Variants in MIEF2 observed in about 807,000 individuals in gnomAD.
The protein encoded by MIEF2 is mitochondrial elongation factor 2.
In MIEF2, 1 loss-of-function variant was observed where a neutral mutation model predicts 7.4. The observed-to-expected ratio is 0.14, with a 90% confidence interval of 0.05 to 0.64. The LOEUF (loss-of-function observed/expected upper bound fraction) is 0.64. Among genes scored for constraint, MIEF2 ranks in the 30% least tolerant of loss-of-function variants. The pLI is 0.85. For synonymous variants in MIEF2, 275 were observed against 290.5 expected (o/e 0.95, Z 0.54); for missense variants, 569 against 623.9 (o/e 0.91, Z 0.94).
intron 1 of MIEF2, among the ~76,000 whole-genome samples, chr17:18,261,717 C>T (rs755424813): frequency 6.6e-6 from 1 of 152,232 alleles, no homozygotes; most frequent in Non-Finnish European, 1.5e-5. Context: ...GCTGCCTATG[C>T]CATCTTACAG....
chr17:18,264,335 T>A lies in MIEF2; in HGVS notation c.936T>A (p.Ala312=). 1 of 1,606,444 alleles carries A rather than the reference T, an allele frequency of 6.2e-7. No individual in the cohort carries two copies. The highest frequency in any genetic ancestry group is 8.5e-7 in the Non-Finnish European group (1 of 1,179,868). Residue 312 remains alanine (A), a synonymous_variant, in exon 4 of 4, where the codon GCT becomes GCA. Transcript: ENST00000323019. ...AVLVAVPGVD[A]DDRLLLAWPL... ...TTGTGGCAGTCCCTGGGGTCGATGC[T>A]GACGACCGCCTCCTCTTGGCCTGGC...
rs759605814 is a variant in MIEF2, at chr17:18,264,224, C to A, written c.825C>A (p.Leu275=). The change falls in exon 4 of 4, where the codon CTC becomes CTA. Residue 275 remains leucine (L), a synonymous_variant. Coordinates refer to ENST00000323019, the MANE Select transcript of MIEF2 (RefSeq NM_139162.4). ...SVNWPAIGSL[L]GCLIRPSMAS... is the part of the protein sequence containing the mutation. ...ACTGGCCGGCCATTGGCAGCCTTCT[C>A]GGGTGCCTGATCCGGCCCAGCATGG... 2.5e-6 allele frequency: 4 copies of A among 1,602,736 alleles called. No individual in the cohort carries two copies. In the Admixed American group the frequency reaches 6.7e-5, roughly 27 times the overall value.
rs754752116 is a variant in MIEF2 at position 18,264,092 on chromosome 17, G to A, written c.693G>A (p.Glu231=). 9.0e-6 allele frequency: 14 copies of A among 1,553,102 alleles called. No individual in the cohort carries two copies. The African/African-American group carries it at 1.1e-4, about 12-fold the overall frequency. Residue 231 remains glutamate (E), a synonymous_variant, in exon 4 of 4, where the codon GAG becomes GAA. Coordinates refer to ENST00000323019, the MANE Select transcript of MIEF2 (RefSeq NM_139162.4). The stretch of plus-strand genomic sequence containing the variant: ...GGGCCGTGCGCAGGACGCAGCTTGA[G>A]TTCTGCCCCCGTGGGAGCAGCCCCT... ...RCWAVRRTQL[E]FCPRGSSPWD...
In MIEF2 at chr17:18,264,742, A is replaced by G. The variant is rs1978654179; in HGVS notation, c.1343A>G (p.Gln448Arg). 4 of 1,608,182 alleles carry G rather than the reference A, an allele frequency of 2.5e-6. No individual in the cohort carries two copies. The highest frequency in any genetic ancestry group is 2.6e-6 in the Non-Finnish European group (3 of 1,176,428). Residue 448 changes from glutamine to arginine, a missense_variant, in exon 4 of 4, where the codon CAG becomes CGG. Coordinates refer to ENST00000323019, the MANE Select transcript of MIEF2 (RefSeq NM_139162.4). Reference protein sequence around the residue: ...DIGYALYSGLQEPEGLL With the variant: ...DIGYALYSGLREPEGLL ...GGCTATGCGCTATACAGTGGCCTAC[A>G]GGAGCCCGAGGGGCTGCTCTAGGTG...
Position 18,264,273 on chromosome 17 carries a change from G to T in MIEF2, c.874G>T (p.Val292Leu), listed in dbSNP as rs767580627. Residue 292 changes from valine (V) to leucine (L), a missense_variant, in exon 4 of 4, where the codon GTG becomes TTG. Transcript: ENST00000323019. ...GGCCTCGGAGGAGCTGCTGCTCGAG[G>T]TGCAGCACGAACGCCTGGAGCTCAC... is the stretch of plus-strand genomic sequence containing the variant. The part of the protein sequence containing the change: ...SMASEELLLE[V>L]QHERLELTVA... 6.2e-7 allele frequency: 1 copy of T among 1,606,346 alleles called. No homozygotes were observed. Among genetic ancestry groups the T allele is most frequent in the East Asian group, 2.2e-5 (1 of 44,880 alleles).
At chr17:18,263,411 G>A in intron 3 of MIEF2, 163 bp downstream of exon 3, 1 of 1,079,730 alleles carries the variant, frequency 9.3e-7, no homozygotes, top group East Asian at 2.6e-5. Flanking sequence ...TGTTCCTGGA[G>A]CAAGGTGGTA....
At chr17:18,261,512 G>A (rs940216516) in intron 1 of MIEF2, among the ~76,000 whole-genome samples, 11 of 152,150 alleles carry the variant, frequency 7.2e-5, no homozygotes, top group Admixed American at 2.0e-4. Flanking sequence ...AGGCCTCCCC[G>A]GGAGAGTTCT....
rs1457722904 is a variant in MIEF2, at chr17:18,263,988, C to T, written c.589C>T (p.Leu197=). The T allele has an allele frequency of 1.3e-6, 2 of 1,568,088 alleles. No homozygotes were observed. Among genetic ancestry groups the T allele is most frequent in the African/African-American group, 1.3e-5 (1 of 74,430 alleles). Residue 197 remains leucine (L), a synonymous_variant, in exon 4 of 4, where the codon CTG becomes TTG. Transcript: ENST00000323019. Reference sequence around the variant, plus strand: ...GGGGGCTGCGGACCATGTGCGTCTCCTGGTGCCACTGGTGCTGGAGCCGGG... The same window carrying T: ...GGGGGCTGCGGACCATGTGCGTCTCTTGGTGCCACTGGTGCTGGAGCCGGG... ...QAGAADHVRL[L]VPLVLEPGLW...
chr17:18,262,743 G>A lies in MIEF2; in HGVS notation c.23G>A (p.Arg8Gln), dbSNP rs757390919. MAEFSQK[R>Q]GKRRSDEGLG... ...ACCATGGCAGAGTTCTCCCAGAAAC[G>A]GGGGAAGCGGCGTAGCGACGAAGGG... Residue 8 changes from arginine to glutamine, a missense_variant, in exon 2 of 4, where the codon CGG becomes CAG. Coordinates refer to ENST00000323019, the MANE Select transcript of MIEF2 (RefSeq NM_139162.4). The A allele has an allele frequency of 9.3e-6, 15 of 1,607,784 alleles. No homozygotes were observed. Among genetic ancestry groups the A allele is most frequent in the Admixed American group, 8.4e-5 (5 of 59,342 alleles).
chr17:18,264,206 G>T lies in MIEF2; in HGVS notation c.807G>T (p.Pro269=). ...RKALAASVNW[P]AIGSLLGCLI... is the part of the protein sequence containing the mutation. ...CGCTGGCTGCTTCTGTCAACTGGCC[G>T]GCCATTGGCAGCCTTCTCGGGTGCC... The change falls in exon 4 of 4, where the codon CCG becomes CCT. Residue 269 remains proline, a synonymous_variant. Transcript: ENST00000323019. 1 of 1,600,700 alleles carries T rather than the reference G, an allele frequency of 6.2e-7. No individual in the cohort carries two copies.
At chr17:18,260,852 G>A in intron 1 of MIEF2, 115 bp downstream of exon 1, 1 of 491,504 alleles carries the variant, frequency 2.0e-6, no homozygotes, top group East Asian at 3.6e-5. Flanking sequence ...AGGCGGGGAG[G>A]GGACCTTTGG....
rs537454109 is a variant in MIEF2 at position 18,264,456 on chromosome 17, C to T, written c.1057C>T (p.Arg353Cys). Residue 353 changes from arginine (R) to cysteine (C), a missense_variant, in exon 4 of 4, where the codon CGC becomes TGC. Coordinates refer to ENST00000323019, the MANE Select transcript of MIEF2 (RefSeq NM_139162.4). ...RALDDHDAGTRRRLLLLLCAV... is the reference protein window; with the variant it reads ...RALDDHDAGTCRRLLLLLCAV... ...CCTGGACGACCATGACGCTGGGACT[C>T]GCCGGCGGCTGCTGCTGCTGCTGTG... The T allele has an allele frequency of 4.4e-6, 7 of 1,602,750 alleles. No individual in the cohort carries two copies. The highest frequency in any genetic ancestry group is 1.3e-5 in the African/African-American group (1 of 75,034).
chr17:18,261,809 C>T (rs2142901838), intron 1 of MIEF2, among the ~76,000 whole-genome samples: 1 of 152,334 alleles, frequency 6.6e-6, no homozygotes, highest in Admixed American at 6.5e-5. Context: ...GCATCACCCA[C>T]CACTACCTAC....
At position 18,264,360 on chromosome 17, in the gene MIEF2, C is replaced by G; in HGVS notation, c.961C>G (p.Pro321Ala). Residue 321 changes from proline (P) to alanine (A), a missense_variant, in exon 4 of 4, where the codon CCC becomes GCC. Pro to Ala is a conservative substitution (Grantham distance 27). Coordinates refer to ENST00000323019, the MANE Select transcript of MIEF2 (RefSeq NM_139162.4). ...DADDRLLLAW[P>A]LEGLAGNLWL... ...TGACGACCGCCTCCTCTTGGCCTGGCCCCTGGAGGGGCTGGCGGGGAACCT... is the reference window on the plus strand; with the variant it reads ...TGACGACCGCCTCCTCTTGGCCTGGGCCCTGGAGGGGCTGGCGGGGAACCT... 6.2e-7 allele frequency: 1 copy of G among 1,604,986 alleles called. No individual in the cohort carries two copies. The highest frequency in any genetic ancestry group is 8.5e-7 in the Non-Finnish European group (1 of 1,179,850).
chr17:18,261,833 A>G (rs1220962206), intron 1 of MIEF2, among the ~76,000 whole-genome samples: 2 of 152,206 alleles, frequency 1.3e-5, no homozygotes, highest in Non-Finnish European at 2.9e-5. Flanking sequence ...TTGTCCCAAG[A>G]CTGAGAGGCC....
Position 18,264,547 on chromosome 17 carries a change from T to C in MIEF2, c.1148T>C (p.Leu383Pro). 1 of 1,610,592 alleles carries C rather than the reference T, an allele frequency of 6.2e-7. No homozygotes were observed. Among genetic ancestry groups the C allele is most frequent in the Non-Finnish European group, 8.5e-7 (1 of 1,179,818 alleles). The change falls in exon 4 of 4, where the codon CTG (leucine) becomes CCG (proline). Residue 383 changes from leucine (L) to proline (P), a missense_variant. Physicochemically the swap from Leu to Pro is moderately conservative, Grantham distance 98. Transcript: ENST00000323019. ...LGRGHLTQVV[L>P]RLGEDNVDWT... is the part of the protein sequence containing the mutation. ...CGGGGTCACCTGACCCAGGTGGTCCTGCGTCTGGGGGAGGACAACGTGGAT... is the reference window on the plus strand; with the variant it reads ...CGGGGTCACCTGACCCAGGTGGTCCCGCGTCTGGGGGAGGACAACGTGGAT...
At position 18,264,978 on chromosome 17, in the gene MIEF2, G is replaced by C; in HGVS notation, c.*214G>C. The C allele has an allele frequency of 1.3e-6, 1 of 792,346 alleles. No homozygotes were observed. 49.1% of individuals were successfully genotyped at this position (792,346 alleles called of 1,614,324 possible). On this transcript the variant is annotated 3_prime_UTR_variant, in exon 4 of 4. Transcript: ENST00000323019. ...GGTCACTGTCACCTGAGTGCAGCTG[G>C]GCTGCCTCAGGCAGCTTGGAGTGCC...
Position 18,262,742 on chromosome 17 carries a change from C to A in MIEF2, c.22C>A (p.Arg8=), listed in dbSNP as rs778070950. MAEFSQK[R]GKRRSDEGLG... Reference sequence around the variant, plus strand: ...GACCATGGCAGAGTTCTCCCAGAAACGGGGGAAGCGGCGTAGCGACGAAGG... The same window carrying A: ...GACCATGGCAGAGTTCTCCCAGAAAAGGGGGAAGCGGCGTAGCGACGAAGG... Residue 8 remains arginine, a synonymous_variant, in exon 2 of 4, where the codon CGG becomes AGG. Coordinates refer to ENST00000323019, the MANE Select transcript of MIEF2 (RefSeq NM_139162.4). 4 of 1,607,876 alleles carry A rather than the reference C, an allele frequency of 2.5e-6. No individual in the cohort carries two copies. In the South Asian group the frequency reaches 3.3e-5, roughly 13 times the overall value.
intron 3 of MIEF2, 34 bp from the exon 4 acceptor site, chr17:18,263,676 G>T: frequency 3.9e-6 from 6 of 1,521,756 alleles, no homozygotes; most frequent in Non-Finnish European, 5.3e-6. Flanking sequence ...ATCACAGGCT[G>T]TTCCGACATG....
Sources: allele counts gnomAD v4.1 joint callset (sites outside exome capture counted in the v4.1 genomes callset), GRCh38; gene constraint gnomAD v4.1.1; transcripts MANE v1.5; gene names NCBI Gene and HGNC (gene_info 2026-07-23, HGNC 2026-07-21).